KIAA1328: variants seen among roughly 807,000 people sequenced by gnomAD.
KIAA1328 encodes KIAA1328, also known as protein hinderin.
A neutral mutation model predicts 68.1 loss-of-function variants in KIAA1328; 52 were observed. The observed-to-expected ratio is 0.76, with a 90% CI of 0.61 to 0.96. The LOEUF is 0.96. Ranked by LOEUF, KIAA1328 falls within the 40% of genes least tolerant of loss-of-function variation. The pLI, the probability that KIAA1328 is intolerant of heterozygous loss-of-function variation, is 0.00. For synonymous variants in KIAA1328, 232 were observed against 239.4 expected (o/e 0.97, Z 0.28); for missense variants, 641 against 677.6 (o/e 0.95, Z 0.60).
intron 7 of KIAA1328, among the ~76,000 whole-genome samples, chr18:37,103,928 C>A (rs2057698102): frequency 6.6e-6 from 1 of 151,956 alleles, no homozygotes; most frequent in Non-Finnish European, 1.5e-5. Flanking sequence ...TACTCAGCAT[C>A]ACTAATCATC....
At chr18:36,922,558 G>A (rs1187802427) in intron 5 of KIAA1328, among the ~76,000 whole-genome samples, 3 of 152,012 alleles carry the variant, frequency 2.0e-5, no homozygotes, top group Non-Finnish European at 4.4e-5. Flanking sequence ...GGGTTTGTGT[G>A]GTTTTATTGT....
chr18:37,114,941 T>C (rs958427549), intron 7 of KIAA1328, among the ~76,000 whole-genome samples: 8 of 152,098 alleles, frequency 5.3e-5, no homozygotes, highest in South Asian at 4.1e-4. Flanking sequence ...GCTCAACACA[T>C]ACAGCCTCCC....
chr18:37,162,861 C>T (rs568923960), intron 8 of KIAA1328, among the ~76,000 whole-genome samples: 1 of 151,066 alleles, frequency 6.6e-6, no homozygotes, highest in Non-Finnish European at 1.5e-5. Flanking sequence ...ACCATTCTGC[C>T]AGCTTTATGA....
rs2059165653 is a variant in KIAA1328 at position 37,156,945 on chromosome 18, G to A, written c.1233-3255G>A. The stretch of plus-strand genomic sequence containing the variant: ...CCAAGAAAGTACTAAGAGGGAAGAG[G>A]ACAGGGACAGACTTTTGCAATGTCT... On this transcript the variant is annotated intron_variant, in intron 7 of 9. Transcript: ENST00000280020. Among the ~76,000 whole-genome samples, 3 of 152,174 alleles carry A rather than the reference G, an allele frequency of 2.0e-5. No individual in the cohort carries two copies. The South Asian group carries it at 6.2e-4, about 32-fold the overall frequency.
intron 4 of KIAA1328, among the ~76,000 whole-genome samples, chr18:36,877,485 T>C (rs1014306875): frequency 6.6e-6 from 1 of 151,248 alleles, no homozygotes; most frequent in African/African-American, 2.4e-5. Flanking sequence ...GAGAATAGGA[T>C]TGCAACCCCT....
chr18:37,193,592 C>T (rs2059948198), intron 9 of KIAA1328: 1 of 702,246 alleles, frequency 1.4e-6, no homozygotes, highest in Non-Finnish European at 2.6e-6. Context: ...TATTCCTAGC[C>T]CAGGAATCTC....
At chr18:37,197,523 A>G (rs934126622) in intron 9 of KIAA1328, among the ~76,000 whole-genome samples, 11 of 152,128 alleles carry the variant, frequency 7.2e-5, no homozygotes, top group African/African-American at 2.4e-4. Flanking sequence ...AGAAACAGAG[A>G]AGAAAAGACT....
intron 3 of KIAA1328, among the ~76,000 whole-genome samples, chr18:36,840,116 G>C (rs549695838): frequency 2.6e-5 from 4 of 152,174 alleles, no homozygotes; most frequent in Non-Finnish European, 4.4e-5. Context: ...CAGGGAGATT[G>C]CTGGGCTCTG....
At chr18:36,887,134 A>G (rs929923538) in intron 5 of KIAA1328, among the ~76,000 whole-genome samples, 1 of 133,510 alleles carries the variant, frequency 7.5e-6, no homozygotes, top group South Asian at 2.4e-4. Flanking sequence ...TTTTTGGCCC[A>G]CTTTGACTTC....
At chr18:37,120,212 C>G (rs549612026) in intron 7 of KIAA1328, among the ~76,000 whole-genome samples, 12 of 124,966 alleles carry the variant, frequency 9.6e-5, no homozygotes, top group Non-Finnish European at 1.4e-4. Context: ...TTACAACATA[C>G]CAATTAGTCT....
intron 6 of KIAA1328, among the ~76,000 whole-genome samples, chr18:36,961,584 CA>C (rs935448472): frequency 2.9e-4 from 44 of 152,276 alleles, no homozygotes; most frequent in African/African-American, 1.0e-3. Context: ...GGGTTACCCA[CA>C]AAGGGAAGCT....
At chr18:37,101,719 A>G (rs1330733093) in intron 7 of KIAA1328, among the ~76,000 whole-genome samples, 1 of 152,242 alleles carries the variant, frequency 6.6e-6, no homozygotes, top group Admixed American at 6.5e-5. Flanking sequence ...TAATTGTCAG[A>G]TTCACCAAAG....
At chr18:37,089,164 G>A (rs373787716) in intron 7 of KIAA1328, among the ~76,000 whole-genome samples, 1 of 151,962 alleles carries the variant, frequency 6.6e-6, no homozygotes. Context: ...ACGTGTATAT[G>A]TGTGTATGTG....
intron 5 of KIAA1328, among the ~76,000 whole-genome samples, chr18:36,916,672 C>T (rs923898087): frequency 6.6e-6 from 1 of 152,176 alleles, no homozygotes; most frequent in Admixed American, 6.5e-5. Context: ...GAGCTATTAT[C>T]ATCTCCATCG....
intron 6 of KIAA1328, among the ~76,000 whole-genome samples, chr18:36,985,797 G>A (rs2052896183): frequency 6.6e-6 from 1 of 152,134 alleles, no homozygotes; most frequent in African/African-American, 2.4e-5. Flanking sequence ...CCGTGGATTA[G>A]TCATAGATTA....
rs1211058656 is a variant in KIAA1328, at chr18:37,067,249, A to T, written c.936A>T (p.Ala312=). 1 of 1,613,894 alleles carries T rather than the reference A, an allele frequency of 6.2e-7. No individual in the cohort carries two copies. The highest frequency in any genetic ancestry group is 1.7e-5 in the Admixed American group (1 of 59,996). The part of the protein sequence containing the change: ...PSQCCGHRLA[A]DRVHDSHPTN... The stretch of plus-strand genomic sequence containing the variant: ...AATGCTGTGGTCATAGACTTGCTGC[A>T]GATCGTGTTCATGACAGCCATCCTA... Residue 312 remains alanine, a synonymous_variant, in exon 7 of 10, where the codon GCA becomes GCT. Transcript: ENST00000280020.
At chr18:37,117,843 A>G (rs2058157594) in intron 7 of KIAA1328, among the ~76,000 whole-genome samples, 1 of 150,852 alleles carries the variant, frequency 6.6e-6, no homozygotes, top group Non-Finnish European at 1.5e-5. Flanking sequence ...TGATAGAGGG[A>G]TACAAAAGGG....
At chr18:37,024,819 A>G (rs1183736432) in intron 6 of KIAA1328, among the ~76,000 whole-genome samples, 1 of 152,064 alleles carries the variant, frequency 6.6e-6, no homozygotes. Context: ...GCTATTGTGA[A>G]TAGTGATGCA....
At chr18:36,844,533 A>G (rs2046964053) in intron 4 of KIAA1328, among the ~76,000 whole-genome samples, 1 of 151,902 alleles carries the variant, frequency 6.6e-6, no homozygotes, top group Non-Finnish European at 1.5e-5. Context: ...AACTTTCCCA[A>G]TTGTTTGATG....
Sources: allele counts gnomAD v4.1 joint callset (sites outside exome capture counted in the v4.1 genomes callset), GRCh38; gene constraint gnomAD v4.1.1; transcripts MANE v1.5; gene names NCBI Gene and HGNC (gene_info 2026-07-23, HGNC 2026-07-21).